CABYR: variants seen among roughly 807,000 people sequenced by gnomAD.
CABYR encodes the protein calcium-binding tyrosine phosphorylation-regulated protein.
CABYR carries 31 observed loss-of-function variants against 36.1 expected under a neutral mutation model. The observed-to-expected ratio is 0.86, with a 90% CI of 0.64 to 1.16. The LOEUF is 1.16. Among genes scored for constraint, CABYR ranks in the 50% most tolerant of loss-of-function variants. The pLI is 0.00. For synonymous variants in CABYR, 146 were observed against 160.7 expected, an observed-to-expected ratio of 0.91 and a Z score of 0.69; for missense variants, 429 against 455.8, an observed-to-expected ratio of 0.94 and a Z score of 0.53.
chr18:24,148,915 C>T (rs973237415), intron 3 of CABYR, among the ~76,000 whole-genome samples: 3 of 152,104 alleles, frequency 2.0e-5, no homozygotes, highest in African/African-American at 7.2e-5. Context: ...AAAGCTTCCA[C>T]AGTGTGGAAG....
At chr18:24,146,708 T>G (rs888011605) in intron 3 of CABYR, among the ~76,000 whole-genome samples, 10 of 152,186 alleles carry the variant, frequency 6.6e-5, no homozygotes, top group Non-Finnish European at 1.3e-4. Flanking sequence ...GACACACAGG[T>G]ACATCACAGC....
At chr18:24,142,128 T>C (rs1301033112) in intron 1 of CABYR, among the ~76,000 whole-genome samples, 1 of 152,142 alleles carries the variant, frequency 6.6e-6, no homozygotes, top group African/African-American at 2.4e-5. Flanking sequence ...AAGACCAGCC[T>C]GGCCAAGATG....
chr18:24,152,602 GCTT>G (rs2085670632), intron 3 of CABYR: 1 of 152,170 alleles, frequency 6.6e-6, no homozygotes, highest in South Asian at 2.1e-4. Flanking sequence ...AAAATATTGA[GCTT>G]TTTTAACATT....
intron 4 of CABYR, among the ~76,000 whole-genome samples, chr18:24,157,766 T>C (rs1168727386): frequency 1.3e-5 from 2 of 152,228 alleles, no homozygotes; most frequent in Non-Finnish European, 2.9e-5. Flanking sequence ...ATAGACATGA[T>C]GTGACCTTCA....
chr18:24,150,794 T>A (rs1237523455), intron 3 of CABYR, among the ~76,000 whole-genome samples: 1 of 150,208 alleles, frequency 6.7e-6, no homozygotes, highest in Non-Finnish European at 1.5e-5. Context: ...TTTTTTTTTT[T>A]TTTTGAGACG....
chr18:24,141,852 A>C (rs1280288900), intron 1 of CABYR, among the ~76,000 whole-genome samples: 1 of 152,146 alleles, frequency 6.6e-6, no homozygotes, highest in Non-Finnish European at 1.5e-5. Context: ...CATAAGGGAA[A>C]ATTTGGGAAG....
At chr18:24,151,589 T>C (rs370964943) in intron 3 of CABYR, among the ~76,000 whole-genome samples, 8 of 152,290 alleles carry the variant, frequency 5.3e-5, no homozygotes, top group South Asian at 2.1e-4. Flanking sequence ...GAACTCAATA[T>C]AGATTTACAT....
intron 4 of CABYR, chr18:24,156,649 C>G (rs779385162): frequency 6.2e-7 from 1 of 1,614,084 alleles, no homozygotes; most frequent in Non-Finnish European, 8.5e-7. Context: ...GAGGCAGAAG[C>G]AACAGCTCTG....
chr18:24,159,471 G>T lies in CABYR; in HGVS notation c.542-1G>T. On this transcript the variant is annotated splice_acceptor_variant, in intron 4 of 5. Transcript: ENST00000399496. LOFTEE classifies it high-confidence loss of function. ...AATTCCTGCAAAATTTTTTTTTATA[G>T]CAATGGCAACAAGTGAACGAGGACA... The T allele has an allele frequency of 1.2e-6, 2 of 1,601,142 alleles. No homozygotes were observed. The highest frequency in any genetic ancestry group is 1.4e-5 in the African/African-American group (1 of 73,802).
At chr18:24,151,131 T>C (rs1477671510) in intron 3 of CABYR, among the ~76,000 whole-genome samples, 4 of 139,634 alleles carry the variant, frequency 2.9e-5, no homozygotes, top group African/African-American at 5.4e-5. Flanking sequence ...TCTTGGGCAG[T>C]TATGTACTTC....
At chr18:24,147,693 T>C (rs927492469) in intron 3 of CABYR, among the ~76,000 whole-genome samples, 2 of 152,064 alleles carry the variant, frequency 1.3e-5, no homozygotes, top group Non-Finnish European at 2.9e-5. Context: ...AATCTTAAGA[T>C]AATGAATTCA....
intron 3 of CABYR, among the ~76,000 whole-genome samples, chr18:24,147,093 A>G (rs2085478466): frequency 6.6e-6 from 1 of 152,000 alleles, no homozygotes; most frequent in Non-Finnish European, 1.5e-5. Context: ...CGAGTTTGAG[A>G]CCAGCCTCAG....
At chr18:24,142,165 C>CA (rs1255368798) in intron 1 of CABYR, among the ~76,000 whole-genome samples, 1 of 151,872 alleles carries the variant, frequency 6.6e-6, no homozygotes, top group Non-Finnish European at 1.5e-5. Context: ...ACTAAAAATA[C>CA]AAAAATTAGC....
At chr18:24,158,744 A>T (rs2085865104) in intron 4 of CABYR, among the ~76,000 whole-genome samples, 1 of 152,304 alleles carries the variant, frequency 6.6e-6, no homozygotes, top group South Asian at 2.1e-4. Flanking sequence ...CTTTTGTCCG[A>T]GGGCCCATCT....
At position 24,156,497 on chromosome 18, in the gene CABYR, G is replaced by C. The variant is rs780988303; in HGVS notation, c.541+455G>C. ...TTGCTTGTCTTAAAGAAAATGAGCA[G>C]TCAAAAGAAAATGAGCAGTCACCAC... On this transcript the variant is annotated intron_variant, in intron 4 of 5. Coordinates refer to ENST00000399496, the MANE Select transcript of CABYR (RefSeq NM_153769.3). 3.7e-6 allele frequency: 6 copies of C among 1,613,610 alleles called. No homozygotes were observed. In the East Asian group the frequency reaches 1.3e-4, roughly 36 times the overall value.
chr18:24,156,216 A>G (rs1290620173), intron 4 of CABYR, 174 bp downstream of exon 4: 1 of 1,614,150 alleles, frequency 6.2e-7, no homozygotes, highest in Non-Finnish European at 8.5e-7. Flanking sequence ...TGTGAACCAA[A>G]CATCTGTCCA....
Position 24,156,612 on chromosome 18 carries a change from A to T in CABYR, c.541+570A>T. The stretch of plus-strand genomic sequence containing the variant: ...TGTAAAACTTGCACAGTTGGAGGAG[A>T]ATGCAAAATATTCCTCAGTATATAT... On this transcript the variant is annotated intron_variant, in intron 4 of 5. Transcript: ENST00000399496. 3.7e-6 allele frequency: 6 copies of T among 1,614,202 alleles called. No homozygotes were observed. The highest frequency in any genetic ancestry group is 5.1e-6 in the Non-Finnish European group (6 of 1,180,036).
chr18:24,159,036 G>C (rs2085875077), intron 4 of CABYR, among the ~76,000 whole-genome samples: 1 of 152,194 alleles, frequency 6.6e-6, no homozygotes, highest in African/African-American at 2.4e-5. Flanking sequence ...ATGTGAAGAT[G>C]ACACCTAGTG....
At chr18:24,156,795 G>A (rs746101998) in intron 4 of CABYR, 15 of 1,614,062 alleles carry the variant, frequency 9.3e-6, no homozygotes, top group South Asian at 8.8e-5. Flanking sequence ...TGACAATACT[G>A]GGCAGGAGGA....
Sources: allele counts gnomAD v4.1 joint callset (sites outside exome capture counted in the v4.1 genomes callset), GRCh38; gene constraint gnomAD v4.1.1; transcripts MANE v1.5; gene names NCBI Gene and HGNC (gene_info 2026-07-23, HGNC 2026-07-21).